Variants in TMEM178B observed in about 807,000 individuals in gnomAD.
TMEM178B encodes transmembrane protein 178B.
Under a neutral mutation model 31.0 loss-of-function variants are expected in TMEM178B, and 5 were observed. The ratio of observed to expected loss-of-function variants is 0.16; its 90% CI spans 0.08 to 0.34. The LOEUF (loss-of-function observed/expected upper bound fraction) is 0.34, where lower values mean the gene tolerates loss of function less well. Ranked by LOEUF, TMEM178B falls within the 10% of genes least tolerant of loss-of-function variation. The probability of loss-of-function intolerance (pLI) is 1.00; values close to 1 mark genes in which losing one functional copy is unlikely to be tolerated. For synonymous variants in TMEM178B, 164 were observed against 164.0 expected (o/e 1.00, Z 0.00); for missense variants, 275 against 400.3 (o/e 0.69, Z 2.67).
chr7:141,506,059 A>C, the TMEM178B span, among the ~76,000 whole-genome samples: 1 of 152,218 alleles, frequency 6.6e-6, no homozygotes, highest in Non-Finnish European at 1.5e-5. Flanking sequence ...CATATCACAC[A>C]TATGGTCCAC....
In TMEM178B at chr7:141,429,749, G is replaced by C. The variant is rs144376113; in HGVS notation, c.497-7859G>C. 1.7e-3 allele frequency: 259 copies of C among 152,330 alleles called. 3 individuals are homozygous for C. Among genetic ancestry groups the C allele is most frequent in the African/African-American group, 6.0e-3 (250 of 41,568 alleles). 9.4% of individuals were successfully genotyped at this position (152,330 alleles called of 1,614,324 possible). On this transcript the variant is annotated intron_variant, in intron 2 of 3. Coordinates refer to ENST00000565468, the MANE Select transcript of TMEM178B (RefSeq NM_001195278.2). Reference sequence around the variant, plus strand: ...TGTGAGTTCATTTGTTGATGAGCTAGATTTAACCTTTGCATTTTGTATATG... The same window carrying C: ...TGTGAGTTCATTTGTTGATGAGCTACATTTAACCTTTGCATTTTGTATATG...
chr7:141,208,355 C>T (rs1796999495), intron 1 of TMEM178B, among the ~76,000 whole-genome samples: 1 of 152,152 alleles, frequency 6.6e-6, no homozygotes, highest in South Asian at 2.1e-4. Context: ...AAGGGTTTGT[C>T]CTTCCTTCCA....
intron 1 of TMEM178B, among the ~76,000 whole-genome samples, chr7:141,083,166 AT>A (rs1794714852): frequency 6.6e-6 from 1 of 152,200 alleles, no homozygotes; most frequent in Admixed American, 6.5e-5. Flanking sequence ...AGATGCAGAT[AT>A]GTTTGTAACT....
intron 1 of TMEM178B, among the ~76,000 whole-genome samples, chr7:141,131,810 ATTCCT>A (rs1370125732): frequency 1.7e-4 from 26 of 152,246 alleles, no homozygotes; most frequent in Non-Finnish European, 3.4e-4. Flanking sequence ...TCTTGGGTAA[ATTCCT>A]AAAAGTGGGA....
chr7:141,460,236 G>C (rs369155823), intron 3 of TMEM178B, among the ~76,000 whole-genome samples: 2 of 152,202 alleles, frequency 1.3e-5, no homozygotes, highest in African/African-American at 4.8e-5. Context: ...TGCCAACAGG[G>C]TTGTTTCCTC....
At chr7:141,176,463 C>G (rs1796436418) in intron 1 of TMEM178B, among the ~76,000 whole-genome samples, 1 of 152,160 alleles carries the variant, frequency 6.6e-6, no homozygotes. Flanking sequence ...CAGGATGATG[C>G]TGGCCTCATA....
intron 2 of TMEM178B, among the ~76,000 whole-genome samples, chr7:141,340,030 C>T (rs1345421799): frequency 6.6e-6 from 1 of 152,188 alleles, no homozygotes; most frequent in African/African-American, 2.4e-5. Context: ...GATAGCCACA[C>T]CTTAATCCCT....
At chr7:141,286,836 G>A (rs906580190) in intron 2 of TMEM178B, among the ~76,000 whole-genome samples, 2 of 152,166 alleles carry the variant, frequency 1.3e-5, no homozygotes, top group Non-Finnish European at 1.5e-5. Flanking sequence ...GTTAGAGACT[G>A]AGGATACTTT....
chr7:141,470,588 G>A lies in TMEM178B; in HGVS notation c.687G>A (p.Glu229=). Reference sequence around the variant, plus strand: ...CCTGTGTGGCCGGGATCAACTTTGAGCTGTCACGCTACCCACGCTACCTGT... The same window carrying A: ...CCTGTGTGGCCGGGATCAACTTTGAACTGTCACGCTACCCACGCTACCTGT... The part of the protein sequence containing the change: ...LCTCVAGINF[E]LSRYPRYLYG... The change falls in exon 4 of 4, where the codon GAG becomes GAA. Residue 229 remains glutamate, a synonymous_variant. Transcript: ENST00000565468. 1.1e-5 allele frequency: 17 copies of A among 1,534,714 alleles called. No homozygotes were observed. Among genetic ancestry groups the A allele is most frequent in the Non-Finnish European group, 1.5e-5 (17 of 1,146,404 alleles).
At chr7:141,500,361 T>G in the TMEM178B span, among the ~76,000 whole-genome samples, 6 of 152,118 alleles carry the variant, frequency 3.9e-5, no homozygotes, top group African/African-American at 1.4e-4. Context: ...TGCAAGTCAT[T>G]TTGATTGAGA....
At chr7:141,412,483 C>G (rs1801008841) in intron 2 of TMEM178B, among the ~76,000 whole-genome samples, 1 of 152,168 alleles carries the variant, frequency 6.6e-6, no homozygotes, top group South Asian at 2.1e-4. Flanking sequence ...GCCTTGGGAT[C>G]ATGGGCCCAA....
At chr7:141,418,898 A>T (rs1249934187) in intron 2 of TMEM178B, among the ~76,000 whole-genome samples, 1 of 121,094 alleles carries the variant, frequency 8.3e-6, no homozygotes, top group Non-Finnish European at 1.7e-5. Flanking sequence ...TTGTCCTTCC[A>T]TGCTATTTTT....
chr7:141,265,723 C>G (rs1798085636), intron 2 of TMEM178B, among the ~76,000 whole-genome samples: 2 of 152,164 alleles, frequency 1.3e-5, no homozygotes, highest in Admixed American at 6.5e-5. Context: ...TTTCCACCAC[C>G]AGGTACATTT....
chr7:141,299,952 T>G (rs1476891327), intron 2 of TMEM178B, among the ~76,000 whole-genome samples: 1 of 152,092 alleles, frequency 6.6e-6, no homozygotes, highest in East Asian at 1.9e-4. Flanking sequence ...GTCTGGCTAA[T>G]TTTTAATTTC....
At chr7:141,308,695 G>T (rs1798858379) in intron 2 of TMEM178B, among the ~76,000 whole-genome samples, 1 of 152,120 alleles carries the variant, frequency 6.6e-6, no homozygotes, top group South Asian at 2.1e-4. Flanking sequence ...GCTCCCCAAA[G>T]AACACAGCAT....
intron 2 of TMEM178B, among the ~76,000 whole-genome samples, chr7:141,413,142 T>C (rs1393412002): frequency 1.3e-5 from 2 of 152,202 alleles, no homozygotes; most frequent in African/African-American, 4.8e-5. Flanking sequence ...CACAGTGCCA[T>C]GTGTAAAGCA....
chr7:141,279,215 A>G (rs573617567), intron 2 of TMEM178B, among the ~76,000 whole-genome samples: 1 of 152,290 alleles, frequency 6.6e-6, no homozygotes, highest in East Asian at 1.9e-4. Flanking sequence ...TCTCTGGTCC[A>G]AAGCAAAATG....
At chr7:141,161,908 G>A (rs7802847) in intron 1 of TMEM178B, among the ~76,000 whole-genome samples, 111,433 of 151,890 alleles carry the variant, frequency 0.73, 41,541 homozygotes, top group African/African-American at 0.84. Flanking sequence ...GTCTGAGTGT[G>A]CAAGAGCATG....
chr7:141,247,206 C>T (rs1358456610), intron 2 of TMEM178B, among the ~76,000 whole-genome samples: 13 of 40,938 alleles, frequency 3.2e-4, no homozygotes, highest in Non-Finnish European at 4.6e-4. Context: ...TTTCTCTCTA[C>T]ACACACACAC....
Sources: allele counts gnomAD v4.1 joint callset (sites outside exome capture counted in the v4.1 genomes callset), GRCh38; gene constraint gnomAD v4.1.1; transcripts MANE v1.5; gene names NCBI Gene and HGNC (gene_info 2026-07-23, HGNC 2026-07-21).